SGCD: variants seen among roughly 807,000 people sequenced by gnomAD.
SGCD encodes the protein sarcoglycan delta.
A neutral mutation model predicts 36.6 loss-of-function variants in SGCD; 18 were observed. The observed-to-expected ratio is 0.49, with a 90% CI of 0.34 to 0.73. The LOEUF is 0.73. Among genes scored for constraint, SGCD ranks in the 30% least tolerant of loss-of-function variants. SGCD has a pLI of 0.01. For missense variants in SGCD, 387 were observed against 346.7 expected, an observed-to-expected ratio of 1.12 and a Z score of -0.92; for synonymous variants, 133 against 130.6, an observed-to-expected ratio of 1.02 and a Z score of -0.12.
intron 7 of SGCD, among the ~76,000 whole-genome samples, chr5:156,736,261 G>T (rs915383442): frequency 6.6e-6 from 1 of 152,076 alleles, no homozygotes; most frequent in African/African-American, 2.4e-5. Context: ...GCCACTCTTT[G>T]TGTTTACTTA....
intron 3 of SGCD, among the ~76,000 whole-genome samples, chr5:156,348,414 G>A (rs1037914129): frequency 6.6e-6 from 1 of 152,098 alleles, no homozygotes; most frequent in African/African-American, 2.4e-5. Context: ...TAAAGTCTCA[G>A]GTTACAAAAT....
intron 3 of SGCD, among the ~76,000 whole-genome samples, chr5:156,247,778 C>G (rs1037003001): frequency 6.6e-6 from 1 of 152,162 alleles, no homozygotes; most frequent in Non-Finnish European, 1.5e-5. Context: ...ACTTTTTGCT[C>G]TCATGTTGGA....
chr5:156,233,346 A>T (rs564925889), intron 3 of SGCD, among the ~76,000 whole-genome samples: 1 of 152,374 alleles, frequency 6.6e-6, no homozygotes, highest in Non-Finnish European at 1.5e-5. Flanking sequence ...ATTAAACATC[A>T]TAACGGGAAT....
chr5:156,674,242 T>C (rs1275139954), intron 7 of SGCD, among the ~76,000 whole-genome samples: 2 of 152,190 alleles, frequency 1.3e-5, no homozygotes, highest in Non-Finnish European at 2.9e-5. Context: ...TCATGGCTAA[T>C]TGTAAAGCAA....
intron 3 of SGCD, among the ~76,000 whole-genome samples, chr5:156,259,761 G>A (rs184892387): frequency 3.3e-4 from 50 of 152,156 alleles, no homozygotes; most frequent in Admixed American, 4.6e-4. Flanking sequence ...AGATAAGGTC[G>A]TCAGGGTGGG....
At chr5:156,678,549 C>A (rs1753601491) in intron 7 of SGCD, among the ~76,000 whole-genome samples, 1 of 152,214 alleles carries the variant, frequency 6.6e-6, no homozygotes, top group South Asian at 2.1e-4. Context: ...TCTTCACCTT[C>A]TTTAATATGC....
At chr5:156,102,764 T>G (rs1310604244) in intron 1 of SGCD, among the ~76,000 whole-genome samples, 2 of 152,244 alleles carry the variant, frequency 1.3e-5, no homozygotes, top group Non-Finnish European at 2.9e-5. Context: ...GGGTATTACA[T>G]GCTTCTAAGT....
chr5:156,627,083 G>C (rs942355059), intron 6 of SGCD, among the ~76,000 whole-genome samples: 1 of 152,184 alleles, frequency 6.6e-6, no homozygotes, highest in Non-Finnish European at 1.5e-5. Flanking sequence ...TTCAAGTTAT[G>C]ATCAATTGCC....
chr5:156,613,951 T>G (rs1166163913), intron 6 of SGCD, among the ~76,000 whole-genome samples: 1 of 146,974 alleles, frequency 6.8e-6, no homozygotes, highest in African/African-American at 2.7e-5. Flanking sequence ...GCTGGCTGGC[T>G]TCCTTCCTTC....
At chr5:156,122,624 G>A (rs77200559) in intron 2 of SGCD, among the ~76,000 whole-genome samples, 3,062 of 151,826 alleles carry the variant, frequency 0.02, 44 homozygotes, top group Non-Finnish European at 0.034. Flanking sequence ...AGATGAGGAC[G>A]GTGGTAAGAG....
intron 1 of SGCD, among the ~76,000 whole-genome samples, chr5:155,984,370 G>A (rs1032763488): frequency 2.0e-5 from 3 of 152,146 alleles, no homozygotes; most frequent in Non-Finnish European, 2.9e-5. Context: ...AAAATGTGGA[G>A]GAGAGGCCTG....
chr5:156,494,845 T>A (rs963459218), intron 3 of SGCD, among the ~76,000 whole-genome samples: 4 of 152,146 alleles, frequency 2.6e-5, no homozygotes, highest in African/African-American at 9.6e-5. Flanking sequence ...TGTACCATAC[T>A]CATTCTCCCT....
chr5:156,295,404 T>C (rs55805499), intron 3 of SGCD, among the ~76,000 whole-genome samples: 16,388 of 152,224 alleles, frequency 0.11, 2,051 homozygotes, highest in African/African-American at 0.31. Flanking sequence ...TGAAGAACCA[T>C]CTCTTGATTT....
chr5:156,340,682 T>G lies in SGCD; in HGVS notation c.4-3807T>G, dbSNP rs556875158. ...TTATAAAATTGTATGACTATTGTCA[T>G]GATTTACTGGGGCCTCTCCTGGGGT... On this transcript the variant is annotated intron_variant, in intron 2 of 8. Transcript: ENST00000337851. Among the ~76,000 whole-genome samples, 5 of 152,334 alleles carry G rather than the reference T, an allele frequency of 3.3e-5. No individual in the cohort carries two copies. In the East Asian group the frequency reaches 7.7e-4, roughly 23 times the overall value.
intron 1 of SGCD, among the ~76,000 whole-genome samples, chr5:155,963,489 C>T (rs954511067): frequency 6.6e-6 from 1 of 152,054 alleles, no homozygotes; most frequent in Non-Finnish European, 1.5e-5. Context: ...GCCTACAAAT[C>T]GATCTAGAAC....
In SGCD at chr5:156,698,755, T is replaced by C. The variant is rs1754413851; in HGVS notation, c.575+51219T>C. ...CATTGTGTGTCCTTGGGCAAGGTAC[T>C]TAGCCTAGGTAAGCCTCATTTCTCT... On this transcript the variant is annotated intron_variant, in intron 7 of 8. Coordinates refer to ENST00000337851, the MANE Select transcript of SGCD (RefSeq NM_000337.6). Among the ~76,000 whole-genome samples the C allele has an allele frequency of 5.9e-5, 9 of 151,880 alleles. No individual in the cohort carries two copies. The South Asian group carries it at 1.9e-3, about 31-fold the overall frequency.
intron 1 of SGCD, among the ~76,000 whole-genome samples, chr5:155,979,155 CACA>C (rs1173989716): frequency 1.3e-5 from 2 of 152,150 alleles, no homozygotes; most frequent in Non-Finnish European, 2.9e-5. Context: ...AACAGATTGG[CACA>C]ACAACAGATG....
chr5:156,012,644 G>A (rs891668026), intron 1 of SGCD, among the ~76,000 whole-genome samples: 3 of 146,838 alleles, frequency 2.0e-5, no homozygotes, highest in African/African-American at 7.6e-5. Flanking sequence ...AGGGAGTCTC[G>A]CTCTGTGGCC....
chr5:156,610,314 AC>A (rs1356996222), intron 6 of SGCD, among the ~76,000 whole-genome samples: 1 of 152,132 alleles, frequency 6.6e-6, no homozygotes, highest in African/African-American at 2.4e-5. Flanking sequence ...TCCACTCCAG[AC>A]CCTGTTTGCC....
Sources: allele counts gnomAD v4.1 joint callset (sites outside exome capture counted in the v4.1 genomes callset), GRCh38; gene constraint gnomAD v4.1.1; transcripts MANE v1.5; gene names NCBI Gene and HGNC (gene_info 2026-07-23, HGNC 2026-07-21).